Variants in C7orf78 observed in about 807,000 individuals in gnomAD.
The protein encoded by C7orf78 is putative uncharacterized protein C7orf78.
chr7:12,520,928 A>T, the C7orf78 span, among the ~76,000 whole-genome samples: 1,144 of 152,202 alleles, frequency 7.5e-3, 13 homozygotes, highest in Middle Eastern at 0.02. Context: ...TGCTATTGTT[A>T]TATCTTCTTC....
chr7:12,492,166 CT>C, the C7orf78 span, among the ~76,000 whole-genome samples: 1 of 152,024 alleles, frequency 6.6e-6, no homozygotes, highest in Admixed American at 6.6e-5. Flanking sequence ...TGGGATATGT[CT>C]TTTTTTCACG....
chr7:12,522,705 T>G, the C7orf78 span, among the ~76,000 whole-genome samples: 1 of 152,162 alleles, frequency 6.6e-6, no homozygotes, highest in Non-Finnish European at 1.5e-5. Context: ...TGTTTGTCTT[T>G]TAAGTAGGTT....
the C7orf78 span, among the ~76,000 whole-genome samples, chr7:12,498,177 C>T: frequency 6.6e-6 from 1 of 152,054 alleles, no homozygotes; most frequent in Non-Finnish European, 1.5e-5. Flanking sequence ...AGCAGAGCGC[C>T]TCTCCTCCTC....
chr7:12,503,504 G>A, the C7orf78 span, among the ~76,000 whole-genome samples: 24,235 of 151,926 alleles, frequency 0.16, 2,334 homozygotes, highest in South Asian at 0.24. Context: ...GGGCAAGTGT[G>A]TGAAATAAGA....
chr7:12,523,390 T>C, the C7orf78 span: 1 of 398,156 alleles, frequency 2.5e-6, no homozygotes, highest in East Asian at 3.6e-5. Context: ...ATCCAAGGGG[T>C]GTATATGTCA....
At chr7:12,503,112 T>C in the C7orf78 span, among the ~76,000 whole-genome samples, 3 of 138,536 alleles carry the variant, frequency 2.2e-5, no homozygotes, top group Non-Finnish European at 3.1e-5. Flanking sequence ...AGGGATAGCA[T>C]TGGGAGATAT....
chr7:12,491,773 C>T, the C7orf78 span: 3 of 152,020 alleles, frequency 2.0e-5, no homozygotes, highest in Admixed American at 6.6e-5. Flanking sequence ...ACACAGAAGC[C>T]CATATAAATG....
chr7:12,511,919 T>C, the C7orf78 span, among the ~76,000 whole-genome samples: 6 of 32,886 alleles, frequency 1.8e-4, no homozygotes, highest in Non-Finnish European at 1.7e-4. Context: ...ACCTGGCTAA[T>C]TTTTTTTTTT....
the C7orf78 span, among the ~76,000 whole-genome samples, chr7:12,516,936 G>A: frequency 6.6e-6 from 1 of 152,180 alleles, no homozygotes; most frequent in Non-Finnish European, 1.5e-5. Context: ...TGTCTCAGAT[G>A]AGACTTTGGA....
the C7orf78 span, among the ~76,000 whole-genome samples, chr7:12,534,158 G>A: frequency 6.6e-6 from 1 of 152,000 alleles, no homozygotes; most frequent in Non-Finnish European, 1.5e-5. Flanking sequence ...GAACAACTTT[G>A]GCAGAGCCTA....
the C7orf78 span, among the ~76,000 whole-genome samples, chr7:12,513,892 A>C: frequency 1.2e-4 from 19 of 152,170 alleles, no homozygotes; most frequent in East Asian, 1.9e-4. Flanking sequence ...CCCAGCTACT[A>C]GGGAGGCTGA....
chr7:12,493,764 G>T, the C7orf78 span, among the ~76,000 whole-genome samples: 1 of 152,180 alleles, frequency 6.6e-6, no homozygotes, highest in Non-Finnish European at 1.5e-5. Flanking sequence ...TACTCCCAAA[G>T]ATTGCTGTGA....
the C7orf78 span, among the ~76,000 whole-genome samples, chr7:12,509,206 G>A: frequency 6.6e-6 from 1 of 152,080 alleles, no homozygotes; most frequent in Non-Finnish European, 1.5e-5. Flanking sequence ...TATTTACCAT[G>A]TTTGGAACTA....
At chr7:12,524,602 T>A in the C7orf78 span, among the ~76,000 whole-genome samples, 1 of 152,106 alleles carries the variant, frequency 6.6e-6, no homozygotes, top group Admixed American at 6.6e-5. Context: ...CCCAGCACTT[T>A]GGGAGGCCAC....
At chr7:12,491,130 CATG>C in the C7orf78 span, 1 of 152,118 alleles carries the variant, frequency 6.6e-6, no homozygotes, top group Non-Finnish European at 1.5e-5. Flanking sequence ...TTCATATTAT[CATG>C]ATGTCAGCAG....
chr7:12,483,749 G>A, the C7orf78 span: 3 of 151,094 alleles, frequency 2.0e-5, no homozygotes, highest in African/African-American at 7.3e-5. Flanking sequence ...GCGGTGGCGG[G>A]CGCCTGTAAT....
At chr7:12,538,792 C>G in the C7orf78 span, among the ~76,000 whole-genome samples, 1 of 152,178 alleles carries the variant, frequency 6.6e-6, no homozygotes, top group East Asian at 1.9e-4. Flanking sequence ...TTCCTTTCCC[C>G]TTTCCCTCAC....
the C7orf78 span, among the ~76,000 whole-genome samples, chr7:12,484,754 G>T: frequency 6.6e-6 from 1 of 152,096 alleles, no homozygotes; most frequent in Admixed American, 6.5e-5. Context: ...ACTTTTATTA[G>T]TACAGCATTC....
chr7:12,536,586 G>T, the C7orf78 span, among the ~76,000 whole-genome samples: 1 of 152,078 alleles, frequency 6.6e-6, no homozygotes, highest in Non-Finnish European at 1.5e-5. Flanking sequence ...GCAAATTTCT[G>T]CAGCCAGGTT....
Sources: gnomAD v4.1 joint callset for allele counts (sites outside exome capture counted in the v4.1 genomes callset) on GRCh38, gnomAD v4.1.1 for gene constraint, MANE v1.5 for transcripts, NCBI Gene and HGNC (gene_info 2026-07-23, HGNC 2026-07-21) for gene names.